The following SEPTIN11 variants were observed in gnomAD, a reference collection of about 807,000 sequenced individuals.
SEPTIN11 encodes septin-11.
In SEPTIN11, 25 loss-of-function variants were observed where a neutral mutation model predicts 51.4. That is an observed-to-expected ratio of 0.49 (90% confidence interval 0.35 to 0.68). The LOEUF is 0.68. SEPTIN11 is among the 30% of genes least tolerant of loss of function. SEPTIN11 has a pLI of 0.00. For synonymous variants in SEPTIN11, 174 were observed against 184.1 expected, an observed-to-expected ratio of 0.95 and a Z score of 0.44; for missense variants, 381 against 520.8, an observed-to-expected ratio of 0.73 and a Z score of 2.61.
chr4:76,962,326 TG>T (rs1721856259), intron 1 of SEPTIN11, among the ~76,000 whole-genome samples: 1 of 152,270 alleles, frequency 6.6e-6, no homozygotes, highest in South Asian at 2.1e-4. Flanking sequence ...TGAATTTAAA[TG>T]TTTTGGCTAT....
intron 1 of SEPTIN11, among the ~76,000 whole-genome samples, chr4:76,979,833 C>A (rs886613962): frequency 6.7e-6 from 1 of 149,356 alleles, no homozygotes; most frequent in Non-Finnish European, 1.5e-5. Context: ...TGCAGTGAGC[C>A]GAGAAACTCC....
At chr4:76,998,149 T>A (rs1723863199) in intron 2 of SEPTIN11, among the ~76,000 whole-genome samples, 1 of 152,224 alleles carries the variant, frequency 6.6e-6, no homozygotes, top group African/African-American at 2.4e-5. Flanking sequence ...CCTGGGTGGG[T>A]TACAATACCT....
In SEPTIN11 at chr4:76,984,420, C is replaced by T. The variant is rs1356225476; in HGVS notation, c.28-12005C>T. On this transcript the variant is annotated intron_variant, in intron 1 of 9. Coordinates refer to ENST00000264893, the MANE Select transcript of SEPTIN11 (RefSeq NM_018243.4). This position sits in a 1 kb window ranked among gnomAD's most constrained non-coding sequence, Gnocchi z 4.1. ...AGAAAGGCACAGAAATATATGGTAT[C>T]TTTCAGAAAGGAAGTGGCTAATTTA... 6.6e-6 allele frequency among the ~76,000 whole-genome samples: 1 copy of T among 151,984 alleles called. No individual in the cohort carries two copies. The highest frequency in any genetic ancestry group is 1.5e-5 in the Non-Finnish European group (1 of 68,008).
intron 1 of SEPTIN11, among the ~76,000 whole-genome samples, chr4:76,976,952 T>C (rs1722530027): frequency 6.6e-6 from 1 of 152,226 alleles, no homozygotes; most frequent in Non-Finnish European, 1.5e-5. Flanking sequence ...TGTTTAGCTA[T>C]GGAATATAAT....
intron 1 of SEPTIN11, among the ~76,000 whole-genome samples, chr4:76,956,962 A>ATGTTTGTGTG (rs1721580988): frequency 8.4e-6 from 1 of 119,118 alleles, no homozygotes; most frequent in African/African-American, 3.3e-5. Flanking sequence ...TAGTAGAATG[A>ATGTTTGTGTG]TGTGTGTGTG....
At chr4:76,997,840 T>G (rs146478333) in intron 2 of SEPTIN11, among the ~76,000 whole-genome samples, 1 of 152,360 alleles carries the variant, frequency 6.6e-6, no homozygotes, top group Non-Finnish European at 1.5e-5. Flanking sequence ...TTGAAAAGTA[T>G]GCTAAATTGT....
At chr4:76,989,289 TA>T (rs201694406) in intron 1 of SEPTIN11, among the ~76,000 whole-genome samples, 7 of 151,454 alleles carry the variant, frequency 4.6e-5, no homozygotes, top group Admixed American at 4.6e-4. Context: ...CTCTTAAATT[TA>T]AAAAAAAATA....
intron 1 of SEPTIN11, among the ~76,000 whole-genome samples, chr4:76,961,590 A>C (rs774200711): frequency 1.3e-5 from 2 of 152,206 alleles, no homozygotes; most frequent in Non-Finnish European, 2.9e-5. Context: ...CCTACCTTAA[A>C]TATGCTTAGA....
At chr4:77,017,686 T>G (rs1340978891) in intron 5 of SEPTIN11, among the ~76,000 whole-genome samples, 1 of 152,258 alleles carries the variant, frequency 6.6e-6, no homozygotes, top group Non-Finnish European at 1.5e-5. Flanking sequence ...TTGAAAACTT[T>G]ATCTTCTTTC....
At chr4:77,020,812 A>G (rs1725667288) in intron 7 of SEPTIN11, 142 bp downstream of exon 7, 1 of 709,846 alleles carries the variant, frequency 1.4e-6, no homozygotes, top group African/African-American at 1.8e-5. Context: ...GTTGTCAGGC[A>G]TTGTGATAAT....
At chr4:76,976,392 T>G (rs564978780) in intron 1 of SEPTIN11, among the ~76,000 whole-genome samples, 7 of 152,164 alleles carry the variant, frequency 4.6e-5, no homozygotes, top group Admixed American at 4.6e-4. Flanking sequence ...AACTGGAGAC[T>G]TGCAAGCTCA....
chr4:77,020,891 G>T, intron 7 of SEPTIN11: 1 of 509,954 alleles, frequency 2.0e-6, no homozygotes, highest in Non-Finnish European at 3.5e-6. Flanking sequence ...TTACAGATGA[G>T]GAAACAAAGG....
At chr4:77,021,357 C>G (rs1725707105) in intron 7 of SEPTIN11, 1 of 152,514 alleles carries the variant, frequency 6.6e-6, no homozygotes, top group South Asian at 2.1e-4. Flanking sequence ...GTTGCCCACA[C>G]CGTAGTGAGT....
intron 3 of SEPTIN11, among the ~76,000 whole-genome samples, chr4:77,007,021 C>G (rs893835880): frequency 7.9e-5 from 12 of 152,172 alleles, no homozygotes; most frequent in African/African-American, 2.9e-4. Flanking sequence ...CCAAAATGGA[C>G]TATCTGTACA....
chr4:76,956,993 TGAGAGAGAGA>T lies in SEPTIN11; in HGVS notation c.27+7068_27+7077del, dbSNP rs149722958. The stretch of plus-strand genomic sequence containing the variant: ...GTGTGTGTGTGTGTGTGTGTGTGTG[TGAGAGAGAGA>T]GAGACAGAGACAGAGACAGAGAGAG... On this transcript the variant is annotated intron_variant, in intron 1 of 9. Coordinates refer to ENST00000264893, the MANE Select transcript of SEPTIN11 (RefSeq NM_018243.4). Among the ~76,000 whole-genome samples the T allele has an allele frequency of 3.8e-4, 37 of 98,538 alleles. 1 individual carries two copies. The highest frequency in any genetic ancestry group is 2.3e-3 in the South Asian group (7 of 3,070). The allele number at this position is 98,538 out of a possible 152,430, so 64.6% of individuals were successfully genotyped here.
intron 1 of SEPTIN11, among the ~76,000 whole-genome samples, chr4:76,967,892 A>G (rs1053891113): frequency 6.6e-5 from 10 of 152,200 alleles, no homozygotes; most frequent in African/African-American, 2.4e-4. Context: ...TGAGGACAAC[A>G]TCAACATTTT....
intron 2 of SEPTIN11, among the ~76,000 whole-genome samples, chr4:76,999,051 A>G (rs1416550653): frequency 6.6e-6 from 1 of 152,092 alleles, no homozygotes; most frequent in Non-Finnish European, 1.5e-5. Context: ...CTTTTACACA[A>G]ATGAGATCAT....
intron 1 of SEPTIN11, 111 bp downstream of exon 1, chr4:76,950,041 G>A: frequency 8.5e-7 from 1 of 1,172,752 alleles, no homozygotes; most frequent in Non-Finnish European, 1.1e-6. Context: ...CCCCGCGGCG[G>A]CGGCGACGGC....
chr4:77,014,885 T>C lies in SEPTIN11; in HGVS notation c.555T>C (p.Ala185=), dbSNP rs763975914. The part of the protein sequence containing the change: ...KVNIIPIIAK[A]DTIAKNELHK... ...ACATCATTCCAATAATTGCAAAAGC[T>C]GACACCATTGCCAAGAATGAACTGC... The change falls in exon 5 of 10, where the codon GCT becomes GCC. Residue 185 remains alanine, a synonymous_variant. Transcript: ENST00000264893. The C allele has an allele frequency of 6.2e-7, 1 of 1,614,142 alleles. No homozygotes were observed. The highest frequency in any genetic ancestry group is 8.5e-7 in the Non-Finnish European group (1 of 1,179,996).
Sources: allele counts gnomAD v4.1 joint callset (sites outside exome capture counted in the v4.1 genomes callset), GRCh38; gene constraint gnomAD v4.1.1; non-coding constraint Gnocchi (gnomAD v3.1); transcripts MANE v1.5; gene names NCBI Gene and HGNC (gene_info 2026-07-23, HGNC 2026-07-21).